GPATCH2: variants seen among roughly 807,000 people sequenced by gnomAD.
GPATCH2 encodes the protein G patch domain-containing protein 2.
Under a neutral mutation model 58.0 loss-of-function variants are expected in GPATCH2, and 51 were observed. The ratio of observed to expected loss-of-function variants is 0.88; its 90% CI spans 0.70 to 1.11. The LOEUF (loss-of-function observed/expected upper bound fraction) is 1.11, where lower values mean the gene tolerates loss of function less well. Ranked by LOEUF, GPATCH2 falls within the 50% of genes most tolerant of loss-of-function variation. GPATCH2 has a pLI of 0.00. For synonymous variants in GPATCH2, 222 were observed against 218.5 expected, an observed-to-expected ratio of 1.02 and a Z score of -0.14; for missense variants, 625 against 652.2, an observed-to-expected ratio of 0.96 and a Z score of 0.45.
chr1:217,453,153 A>G (rs1464255977), intron 8 of GPATCH2, among the ~76,000 whole-genome samples: 1 of 152,228 alleles, frequency 6.6e-6, no homozygotes, highest in Non-Finnish European at 1.5e-5. Context: ...TGTCTTTGCA[A>G]AGCAGAACAT....
intron 5 of GPATCH2, among the ~76,000 whole-genome samples, chr1:217,524,860 GA>G (rs1663760375): frequency 4.7e-4 from 4 of 8,582 alleles, no homozygotes; most frequent in East Asian, 0.014. Flanking sequence ...GGAGAGGGGA[GA>G]GGGGAGAGGG....
At chr1:217,612,431 T>C (rs1250303609) in intron 3 of GPATCH2, among the ~76,000 whole-genome samples, 2 of 152,200 alleles carry the variant, frequency 1.3e-5, no homozygotes, top group African/African-American at 4.8e-5. Flanking sequence ...AGTTGAAAAT[T>C]ATTTTATGAG....
In GPATCH2 at chr1:217,616,526, C is replaced by T. The variant is rs539986963; in HGVS notation, c.774-2324G>A. 3.0e-4 allele frequency among the ~76,000 whole-genome samples: 46 copies of T among 152,216 alleles called. 1 individual carries two copies. The highest frequency in any genetic ancestry group is 9.4e-4 in the African/African-American group (39 of 41,546). On this transcript the variant is annotated intron_variant, in intron 2 of 9. Coordinates refer to ENST00000366935, the MANE Select transcript of GPATCH2 (RefSeq NM_018040.5). ...TGAGTCCTTAATGATCCTTGTCCTA[C>T]TTTGAGGTATGTTGGCATGCATGTA...
At chr1:217,432,377 T>A (rs1033887073) in intron 9 of GPATCH2, among the ~76,000 whole-genome samples, 1 of 152,320 alleles carries the variant, frequency 6.6e-6, no homozygotes, top group South Asian at 2.1e-4. Context: ...AGATACTGTA[T>A]ATTTTGTTCT....
intron 6 of GPATCH2, among the ~76,000 whole-genome samples, chr1:217,502,600 T>C (rs1213458525): frequency 1.3e-5 from 2 of 152,084 alleles, no homozygotes; most frequent in African/African-American, 2.4e-5. Context: ...AGGTCCTTTT[T>C]TCCTGTTTGT....
At position 217,488,861 on chromosome 1, in the gene GPATCH2, ATT is replaced by A. The variant is rs34590445; in HGVS notation, c.1277+2817_1277+2818del. 1.2e-3 allele frequency among the ~76,000 whole-genome samples: 167 copies of A among 143,874 alleles called. 1 individual carries two copies. Among genetic ancestry groups the A allele is most frequent in the African/African-American group, 3.7e-3 (147 of 39,510 alleles). The allele number at this position is 143,874 out of a possible 152,430, so 94.4% of individuals were successfully genotyped here. A position where few individuals can be genotyped will look rare whatever the true frequency, so the allele number is the denominator to read the frequency against. On this transcript the variant is annotated intron_variant, in intron 8 of 9. Coordinates refer to ENST00000366935, the MANE Select transcript of GPATCH2 (RefSeq NM_018040.5). The stretch of plus-strand genomic sequence containing the variant: ...CATGCACCGCCATAGACTATTTAAA[ATT>A]TTTTTTTTTTTTGTAGAGACAGAGT...
intron 5 of GPATCH2, among the ~76,000 whole-genome samples, chr1:217,545,948 G>C (rs542062607): frequency 2.1e-4 from 32 of 152,342 alleles, no homozygotes; most frequent in East Asian, 1.3e-3. Context: ...TAAAGTGTTA[G>C]ACAATGGGTA....
chr1:217,570,528 A>G (rs369997074), intron 5 of GPATCH2, among the ~76,000 whole-genome samples: 1 of 152,094 alleles, frequency 6.6e-6, no homozygotes, highest in Non-Finnish European at 1.5e-5. Flanking sequence ...GACAGAGAAC[A>G]TTTTTTTTAA....
chr1:217,602,664 T>C (rs1668162048), intron 5 of GPATCH2, among the ~76,000 whole-genome samples: 1 of 151,884 alleles, frequency 6.6e-6, no homozygotes, highest in Non-Finnish European at 1.5e-5. Flanking sequence ...TAGAATTAGA[T>C]CAGCAAAAAG....
At chr1:217,561,851 C>T (rs1395500587) in intron 5 of GPATCH2, among the ~76,000 whole-genome samples, 3 of 152,150 alleles carry the variant, frequency 2.0e-5, no homozygotes, top group Non-Finnish European at 2.9e-5. Context: ...TGCTTCTGAA[C>T]GGACCCAAAG....
intron 8 of GPATCH2, among the ~76,000 whole-genome samples, chr1:217,455,321 T>A (rs1659891149): frequency 6.6e-6 from 1 of 152,190 alleles, no homozygotes. Flanking sequence ...CTCTTTCTAA[T>A]GCTGCCTGCC....
chr1:217,567,527 G>A (rs985404154), intron 5 of GPATCH2, among the ~76,000 whole-genome samples: 10 of 152,142 alleles, frequency 6.6e-5, no homozygotes, highest in African/African-American at 2.2e-4. Context: ...ACCTTAGCTG[G>A]TTCTCAGTGC....
intron 9 of GPATCH2, among the ~76,000 whole-genome samples, chr1:217,437,397 T>C (rs1658890172): frequency 6.6e-6 from 1 of 152,040 alleles, no homozygotes; most frequent in Non-Finnish European, 1.5e-5. Flanking sequence ...TTAACTCCTC[T>C]GGAAAGGGGG....
chr1:217,429,683 C>G lies in GPATCH2; in HGVS notation c.*1462G>C, dbSNP rs1313148337. 2 of 151,850 alleles carry G rather than the reference C, an allele frequency of 1.3e-5. No homozygotes were observed. The highest frequency in any genetic ancestry group is 6.6e-5 in the Admixed American group (1 of 15,246). The allele number at this position is 151,850 out of a possible 1,614,324, so 9.4% of individuals were successfully genotyped here. On this transcript the variant is annotated 3_prime_UTR_variant, in exon 10 of 10. Transcript: ENST00000366935. ...TCTATACTAAAAATACAAAAATTAT[C>G]CGGGTATGGTCGTGGGTGCCTGTAA... is the stretch of plus-strand genomic sequence containing the variant.
chr1:217,613,989 A>G, intron 3 of GPATCH2, 152 bp downstream of exon 3: 1 of 551,416 alleles, frequency 1.8e-6, no homozygotes, highest in Non-Finnish European at 3.3e-6. Flanking sequence ...ATAGCATATA[A>G]AAAACCAGCT....
chr1:217,431,719 G>C lies in GPATCH2; in HGVS notation c.1367-354C>G, dbSNP rs913693654. Among the ~76,000 whole-genome samples the C allele has an allele frequency of 5.3e-5, 8 of 152,230 alleles. No homozygotes were observed. In the East Asian group the frequency reaches 1.4e-3, roughly 26 times the overall value. ...AAGAAACTTCTCAGTAAACCATAAA[G>C]TACTCTACTAATGGATTTATTTTCA... On this transcript the variant is annotated intron_variant, in intron 9 of 9. Transcript: ENST00000366935.
chr1:217,504,949 A>G lies in GPATCH2; in HGVS notation c.1167-6554T>C, dbSNP rs11587592. On this transcript the variant is annotated intron_variant, in intron 6 of 9. Coordinates refer to ENST00000366935, the MANE Select transcript of GPATCH2 (RefSeq NM_018040.5). ...GTCAGAGTCAAGTTTATGCAAAGGCAGAGGAAGAAAAAAATGCTCTGAAAG... is the reference window on the plus strand; with the variant it reads ...GTCAGAGTCAAGTTTATGCAAAGGCGGAGGAAGAAAAAAATGCTCTGAAAG... 4.6e-3 allele frequency among the ~76,000 whole-genome samples: 708 copies of G among 152,360 alleles called. 5 individuals are homozygous for G. Among genetic ancestry groups the G allele is most frequent in the Non-Finnish European group, 6.4e-3 (434 of 68,040 alleles).
chr1:217,612,595 C>G (rs536165964), intron 3 of GPATCH2, among the ~76,000 whole-genome samples: 2 of 152,242 alleles, frequency 1.3e-5, no homozygotes, highest in African/African-American at 4.8e-5. Flanking sequence ...CTGAGCTTTA[C>G]ATTAAAATTA....
intron 5 of GPATCH2, among the ~76,000 whole-genome samples, chr1:217,605,421 T>C (rs1314641275): frequency 2.6e-5 from 4 of 152,226 alleles, no homozygotes; most frequent in African/African-American, 9.6e-5. Context: ...ATCAGATTCA[T>C]TTTCTTTGGC....
Sources: allele counts gnomAD v4.1 joint callset (sites outside exome capture counted in the v4.1 genomes callset), GRCh38; gene constraint gnomAD v4.1.1; transcripts MANE v1.5; gene names NCBI Gene and HGNC (gene_info 2026-07-23, HGNC 2026-07-21).